Variants in DNER observed in about 807,000 individuals in gnomAD.
The protein encoded by DNER is delta/notch like EGF repeat containing.
A neutral mutation model predicts 78.2 loss-of-function variants in DNER; 33 were observed. That is an observed-to-expected ratio of 0.42 (90% CI 0.32 to 0.56). The LOEUF (loss-of-function observed/expected upper bound fraction) is 0.56, where lower values mean the gene tolerates loss of function less well. DNER is among the 20% of genes least tolerant of loss of function. DNER has a pLI of 0.11. For synonymous variants in DNER, 417 were observed against 384.8 expected (o/e 1.08, Z -0.98); for missense variants, 918 against 975.3 (o/e 0.94, Z 0.78).
rs1051546793 is a variant in DNER at position 229,423,337 on chromosome 2, G to A, written c.1487-5107C>T. 2.4e-4 allele frequency among the ~76,000 whole-genome samples: 37 copies of A among 152,074 alleles called. No homozygotes were observed. The East Asian group carries it at 2.9e-3, about 12-fold the overall frequency. ...TTTAAGATATACTGAGTTTTAAGCC[G>A]GGCACAGTGGCTCACCCCTGTAATC... On this transcript the variant is annotated intron_variant, in intron 8 of 12. Coordinates refer to ENST00000341772, the MANE Select transcript of DNER (RefSeq NM_139072.4).
intron 11 of DNER, among the ~76,000 whole-genome samples, chr2:229,387,566 A>G (rs1692915110): frequency 6.7e-6 from 1 of 149,518 alleles, no homozygotes; most frequent in Admixed American, 6.7e-5. Flanking sequence ...AAAGAAAGAA[A>G]GAAAAGAAAG....
intron 1 of DNER, among the ~76,000 whole-genome samples, chr2:229,711,047 A>T (rs115823585): frequency 2.0e-5 from 3 of 151,824 alleles, no homozygotes; most frequent in Admixed American, 6.6e-5. Flanking sequence ...TACTGCTGAC[A>T]TAATGGGGCT....
chr2:229,597,291 T>G (rs1395473252), intron 1 of DNER, among the ~76,000 whole-genome samples: 4 of 152,396 alleles, frequency 2.6e-5, no homozygotes, highest in Admixed American at 1.3e-4. Context: ...TTTTATTTTT[T>G]GGGAAAGCTA....
intron 6 of DNER, among the ~76,000 whole-genome samples, chr2:229,491,972 CACACAG>C (rs1457602335): frequency 3.4e-5 from 5 of 148,712 alleles, no homozygotes; most frequent in Non-Finnish European, 6.0e-5. Flanking sequence ...CACACACACA[CACACAG>C]ACACACAGAC....
In DNER at chr2:229,703,066, G is replaced by A. The variant is rs539012159; in HGVS notation, c.276+11082C>T. ...GGTATTCTAAAAAGCAAGTTCTAAAGGCTCTAGAGTAACCAAAATAATTTT... is the reference window on the plus strand; with the variant it reads ...GGTATTCTAAAAAGCAAGTTCTAAAAGCTCTAGAGTAACCAAAATAATTTT... On this transcript the variant is annotated intron_variant, in intron 1 of 12. Transcript: ENST00000341772. 2.2e-4 allele frequency among the ~76,000 whole-genome samples: 33 copies of A among 152,152 alleles called. No homozygotes were observed. In the South Asian group the frequency reaches 4.6e-3, roughly 21 times the overall value.
intron 1 of DNER, among the ~76,000 whole-genome samples, chr2:229,637,109 A>G (rs927590328): frequency 2.6e-5 from 4 of 152,152 alleles, no homozygotes; most frequent in Non-Finnish European, 5.9e-5. Context: ...CACTCTAACT[A>G]AGGAAAAGTT....
chr2:229,465,899 C>T (rs1257821314), intron 7 of DNER, among the ~76,000 whole-genome samples: 1 of 152,036 alleles, frequency 6.6e-6, no homozygotes, highest in African/African-American at 2.4e-5. Context: ...TATATCAAGT[C>T]GTGTAAAACT....
chr2:229,449,982 A>G (rs184249975), intron 7 of DNER, among the ~76,000 whole-genome samples: 75 of 152,202 alleles, frequency 4.9e-4, no homozygotes, highest in Non-Finnish European at 9.1e-4. Flanking sequence ...GGGCTTTACC[A>G]TGTTGGTCAG....
At chr2:229,482,149 C>T (rs534539751) in intron 6 of DNER, among the ~76,000 whole-genome samples, 1 of 152,336 alleles carries the variant, frequency 6.6e-6, no homozygotes, top group South Asian at 2.1e-4. Context: ...AGTGGTACTC[C>T]CTCTAAGCCC....
chr2:229,421,861 C>T (rs1269750417), intron 8 of DNER, among the ~76,000 whole-genome samples: 2 of 152,014 alleles, frequency 1.3e-5, no homozygotes, highest in Admixed American at 1.3e-4. Context: ...ATAACCATAA[C>T]CCTGCATGCA....
At chr2:229,359,364 A>G (rs1422009064) in intron 12 of DNER, among the ~76,000 whole-genome samples, 1 of 152,154 alleles carries the variant, frequency 6.6e-6, no homozygotes, top group African/African-American at 2.4e-5. Flanking sequence ...TCAAAATCCA[A>G]TTTCAGGACT....
At chr2:229,435,133 C>G (rs1694095340) in intron 8 of DNER, among the ~76,000 whole-genome samples, 1 of 152,244 alleles carries the variant, frequency 6.6e-6, no homozygotes, top group East Asian at 1.9e-4. Context: ...ACAGAAGAAG[C>G]AGCTTTAAAG....
intron 2 of DNER, among the ~76,000 whole-genome samples, chr2:229,590,794 T>C (rs1228646168): frequency 6.6e-6 from 1 of 152,236 alleles, no homozygotes; most frequent in African/African-American, 2.4e-5. Context: ...ATGATTTGGA[T>C]CTGTGTCTTC....
At chr2:229,675,474 G>A (rs1699286395) in intron 1 of DNER, among the ~76,000 whole-genome samples, 1 of 152,200 alleles carries the variant, frequency 6.6e-6, no homozygotes, top group Admixed American at 6.5e-5. Flanking sequence ...TTCACATCAT[G>A]TTACCATCCA....
chr2:229,449,589 G>A (rs1458312024), intron 7 of DNER, among the ~76,000 whole-genome samples: 2 of 152,036 alleles, frequency 1.3e-5, no homozygotes, highest in Non-Finnish European at 2.9e-5. Flanking sequence ...TGGTGGGGGT[G>A]GGCGGTGGCC....
chr2:229,594,612 CA>C (rs112864420), intron 1 of DNER, among the ~76,000 whole-genome samples: 2,302 of 31,704 alleles, frequency 0.073, 66 homozygotes, highest in African/African-American at 0.1. Flanking sequence ...AACAAACAAA[CA>C]AAAAAAAAAA....
intron 8 of DNER, among the ~76,000 whole-genome samples, chr2:229,425,881 T>C (rs1470148432): frequency 6.6e-6 from 1 of 151,916 alleles, no homozygotes; most frequent in Non-Finnish European, 1.5e-5. Context: ...CAGGGGGAGG[T>C]CATGCCACTC....
At chr2:229,527,173 A>G (rs769641596) in intron 5 of DNER, among the ~76,000 whole-genome samples, 17 of 151,800 alleles carry the variant, frequency 1.1e-4, no homozygotes, top group Non-Finnish European at 1.9e-4. Flanking sequence ...CAGAGCCTGT[A>G]AAGCTCCTCT....
chr2:229,512,543 C>T (rs958226910), intron 6 of DNER, among the ~76,000 whole-genome samples: 45 of 151,982 alleles, frequency 3.0e-4, no homozygotes, highest in African/African-American at 9.4e-4. Flanking sequence ...ATGAATGACA[C>T]GATGAACTTT....
Sources: gnomAD v4.1 joint callset for allele counts (sites outside exome capture counted in the v4.1 genomes callset) on GRCh38, gnomAD v4.1.1 for gene constraint, MANE v1.5 for transcripts, NCBI Gene and HGNC (gene_info 2026-07-23, HGNC 2026-07-21) for gene names.